The following MYOT variants were observed in gnomAD, a reference collection of about 807,000 sequenced individuals.
MYOT encodes 57 kDa cytoskeletal protein.
In MYOT, 36 loss-of-function variants were observed where a neutral mutation model predicts 58.0. The observed-to-expected ratio is 0.62, with a 90% CI of 0.48 to 0.82. The LOEUF (loss-of-function observed/expected upper bound fraction) is 0.82, where lower values mean the gene tolerates loss of function less well. MYOT is among the 40% of genes least tolerant of loss of function. MYOT has a pLI of 0.00. For missense variants in MYOT, 505 were observed against 592.1 expected (o/e 0.85, Z 1.53); for synonymous variants, 218 against 204.6 (o/e 1.07, Z -0.56).
chr5:137,872,572 A>G (rs1755083843), intron 2 of MYOT, among the ~76,000 whole-genome samples: 1 of 152,176 alleles, frequency 6.6e-6, no homozygotes, highest in Non-Finnish European at 1.5e-5. Flanking sequence ...TAACTCTTTA[A>G]TCTTCCCATA....
In MYOT at chr5:137,870,821, C is replaced by CA; in HGVS notation, c.171dup (p.Leu58ThrfsTer33). On this transcript the variant is annotated frameshift_variant, in exon 2 of 10. Transcript: ENST00000239926. LOFTEE classifies it high-confidence loss of function. The stretch of plus-strand genomic sequence containing the variant: ...GAGCAAAGATTTTCTGCCTCCTCAA[C>CA]ACTGAGCTCTCACATCACCATGTCC... 6.2e-7 allele frequency: 1 copy of CA among 1,614,204 alleles called. No individual in the cohort carries two copies. The highest frequency in any genetic ancestry group is 1.1e-5 in the South Asian group (1 of 91,090).
intron 2 of MYOT, among the ~76,000 whole-genome samples, chr5:137,875,306 C>T (rs1755174670): frequency 6.6e-6 from 1 of 152,138 alleles, no homozygotes; most frequent in Admixed American, 6.5e-5. Context: ...TACATATGAA[C>T]ACAAAGATGA....
chr5:137,870,143 A>G (rs891860025), intron 1 of MYOT, among the ~76,000 whole-genome samples: 2 of 151,120 alleles, frequency 1.3e-5, no homozygotes, highest in African/African-American at 2.4e-5. Flanking sequence ...AAAAAAAAAA[A>G]AGAAAGAAAG....
intron 2 of MYOT, 25 bp downstream of exon 2, chr5:137,871,032 T>C (rs1229053722): frequency 1.3e-6 from 2 of 1,589,128 alleles, no homozygotes; most frequent in African/African-American, 1.3e-5. Context: ...ATATACCGCA[T>C]GTACAGTGAA....
chr5:137,883,211 T>A, intron 6 of MYOT, 173 bp from the exon 7 acceptor site: 1 of 620,320 alleles, frequency 1.6e-6, no homozygotes, highest in Non-Finnish European at 2.8e-6. Flanking sequence ...ATTTCAAGGA[T>A]CTTATTTCCA....
Position 137,883,039 on chromosome 5 carries a change from T to G in MYOT, c.817-345T>G, listed in dbSNP as rs1452602560. ...TATATATGTGCCTCTGGGACTTCATTTGCAGTCACATTTAGCCAGAAAAGC... is the reference window on the plus strand; with the variant it reads ...TATATATGTGCCTCTGGGACTTCATGTGCAGTCACATTTAGCCAGAAAAGC... On this transcript the variant is annotated intron_variant, in intron 6 of 9. Transcript: ENST00000239926. 4.1e-5 allele frequency: 11 copies of G among 269,994 alleles called. No homozygotes were observed. The Middle Eastern group carries it at 5.5e-3, about 136-fold the overall frequency. The allele number at this position is 269,994 out of a possible 1,614,324, so 16.7% of individuals were successfully genotyped here.
At chr5:137,879,957 TAC>T (rs1473115665) in intron 4 of MYOT, among the ~76,000 whole-genome samples, 2 of 152,176 alleles carry the variant, frequency 1.3e-5, no homozygotes, top group African/African-American at 2.4e-5. Flanking sequence ...CAAAAATTGT[TAC>T]AGAGTTGTAA....
In MYOT at chr5:137,887,289, T is replaced by C. The variant is rs145427063; in HGVS notation, c.1401T>C (p.Asn467=). The change falls in exon 10 of 10, where the codon AAT becomes AAC. Residue 467 remains asparagine, a synonymous_variant. Transcript: ENST00000239926. The part of the protein sequence containing the change: ...RPTFSKYLAL[N]GKGLNVKQAF... ...CATTCAGCAAATATTTAGCACTTAA[T>C]GGGAAAGGTTTGAATGTAAAACAAG... 300 of 1,613,918 alleles carry C rather than the reference T, an allele frequency of 1.9e-4. No individual in the cohort carries two copies. Among genetic ancestry groups the C allele is most frequent in the Non-Finnish European group, 2.2e-4 (259 of 1,179,970 alleles).
At chr5:137,878,368 C>A (rs1035030289) in intron 4 of MYOT, among the ~76,000 whole-genome samples, 4 of 152,058 alleles carry the variant, frequency 2.6e-5, no homozygotes, top group African/African-American at 9.7e-5. Context: ...CAGGCGCACA[C>A]CATCAGGCCC....
Position 137,870,949 on chromosome 5 carries a change from A to G in MYOT, c.298A>G (p.Ile100Val), listed in dbSNP as rs1423966332. The change falls in exon 2 of 10, where the codon ATA becomes GTA. Residue 100 changes from isoleucine (I) to valine (V), a missense_variant. Physicochemically the swap from Ile to Val is conservative, Grantham distance 29. Coordinates refer to ENST00000239926, the MANE Select transcript of MYOT (RefSeq NM_006790.3). ...GTCCCCAGCCAGCTTCCTCAGCTCC[A>G]TATTACCATCACAGCCTGATTACAA... Reference protein sequence around the residue: ...NQSPASFLSSILPSQPDYNSS... With the variant: ...NQSPASFLSSVLPSQPDYNSS... 1.2e-6 allele frequency: 2 copies of G among 1,614,080 alleles called. No homozygotes were observed. The highest frequency in any genetic ancestry group is 2.7e-5 in the African/African-American group (2 of 74,918).
rs1304536509 is a variant in MYOT, at chr5:137,881,977, AG to A, written c.689del (p.Arg230AsnfsTer8). The A allele has an allele frequency of 1.2e-6, 2 of 1,613,798 alleles. No individual in the cohort carries two copies. Among genetic ancestry groups the A allele is most frequent in the Non-Finnish European group, 1.7e-6 (2 of 1,179,742 alleles). ...LQVPTSQVRS[R>X]STSRGDVNDQ... ...GTTACCAAAATATTCTTGTAGAAGTAGATCAACCTCAAGGGGAGATGTGAAT... is the reference window on the plus strand; with the variant it reads ...GTTACCAAAATATTCTTGTAGAAGTAATCAACCTCAAGGGGAGATGTGAAT... On this transcript the variant is annotated frameshift_variant, in exon 6 of 10. Coordinates refer to ENST00000239926, the MANE Select transcript of MYOT (RefSeq NM_006790.3). LOFTEE classifies it high-confidence loss of function.
chr5:137,879,920 T>A (rs919494853), intron 4 of MYOT, among the ~76,000 whole-genome samples: 3 of 152,276 alleles, frequency 2.0e-5, no homozygotes, highest in Admixed American at 2.0e-4. Flanking sequence ...TGTCTTGATA[T>A]TTTGCTTAGA....
At chr5:137,879,516 CTTTTTTTT>C (rs34327276) in intron 4 of MYOT, among the ~76,000 whole-genome samples, 2 of 99,488 alleles carry the variant, frequency 2.0e-5, no homozygotes, top group African/African-American at 9.0e-5. Context: ...GATGGTTCAT[CTTTTTTTT>C]TTTTTTTTTT....
At chr5:137,882,126 T>C in intron 6 of MYOT, 21 bp downstream of exon 6, 1 of 1,613,618 alleles carries the variant, frequency 6.2e-7, no homozygotes, top group Non-Finnish European at 8.5e-7. Context: ...GGTTCAAAAG[T>C]ACTGGGGGAA....
In MYOT at chr5:137,886,967, A is replaced by T. The variant is rs200619317; in HGVS notation, c.1294A>T (p.Thr432Ser). Residue 432 changes from threonine (T) to serine (S), a missense_variant, in exon 9 of 10, where the codon ACT becomes TCT. Physicochemically the swap from Thr to Ser is moderately conservative, Grantham distance 58. Coordinates refer to ENST00000239926, the MANE Select transcript of MYOT (RefSeq NM_006790.3). ...TVSAVNEAGV[T>S]TCNTRLDVTA... ...GTCAGCAGTTAATGAAGCTGGAGTG[A>T]CTACATGTAACACAAGATTAGACGT... 23 of 1,613,504 alleles carry T rather than the reference A, an allele frequency of 1.4e-5. No homozygotes were observed. The highest frequency in any genetic ancestry group is 1.9e-5 in the Non-Finnish European group (23 of 1,179,512).
chr5:137,880,226 T>C (rs1192279372), intron 4 of MYOT, among the ~76,000 whole-genome samples: 1 of 152,254 alleles, frequency 6.6e-6, no homozygotes, highest in African/African-American at 2.4e-5. Flanking sequence ...ATATAAATCC[T>C]AAAAGATGTC....
chr5:137,870,099 G>A (rs1754992006), intron 1 of MYOT, among the ~76,000 whole-genome samples: 1 of 145,744 alleles, frequency 6.9e-6, no homozygotes, highest in Non-Finnish European at 1.5e-5. Flanking sequence ...GACTAGTCTA[G>A]GCAACATAGT....
chr5:137,871,334 C>A (rs1755044400), intron 2 of MYOT, among the ~76,000 whole-genome samples: 1 of 152,202 alleles, frequency 6.6e-6, no homozygotes, highest in Non-Finnish European at 1.5e-5. Context: ...TAGTTCTAAG[C>A]TAAGCTCCTC....
chr5:137,875,891 A>T lies in MYOT; in HGVS notation c.419A>T (p.Lys140Met). The T allele has an allele frequency of 2.5e-6, 4 of 1,614,130 alleles. No individual in the cohort carries two copies. Among genetic ancestry groups the T allele is most frequent in the Non-Finnish European group, 3.4e-6 (4 of 1,179,988 alleles). ...NAKPSQTANA[K>M]PIPRTPDHEI... The stretch of plus-strand genomic sequence containing the variant: ...AAGCCATCCCAAACTGCAAATGCTA[A>T]GCCCATACCAAGAACTCCTGATCAT... The change falls in exon 3 of 10, where the codon AAG becomes ATG. Residue 140 changes from lysine (K) to methionine (M), a missense_variant. By Grantham distance (95) the Lys-to-Met change is moderately conservative. Transcript: ENST00000239926.
Sources: gnomAD v4.1 joint callset for allele counts (sites outside exome capture counted in the v4.1 genomes callset) on GRCh38, gnomAD v4.1.1 for gene constraint, MANE v1.5 for transcripts, NCBI Gene and HGNC (gene_info 2026-07-23, HGNC 2026-07-21) for gene names.